Variants in SCN7A observed in about 807,000 individuals in gnomAD.
The protein encoded by SCN7A is sodium channel protein type 7 subunit alpha.
In SCN7A, 138 loss-of-function variants were observed where a neutral mutation model predicts 155.2. That is an observed-to-expected ratio of 0.89 (90% CI 0.77 to 1.02). The LOEUF (loss-of-function observed/expected upper bound fraction) is 1.02, where lower values mean the gene tolerates loss of function less well. Ranked by LOEUF, SCN7A falls within the 50% of genes least tolerant of loss-of-function variation. The probability of loss-of-function intolerance (pLI) is 0.00; values close to 1 mark genes in which losing one functional copy is unlikely to be tolerated. For missense variants in SCN7A, 2,058 were observed against 1,986.6 expected (o/e 1.04, Z -0.68); for synonymous variants, 693 against 649.0 (o/e 1.07, Z -1.03).
chr2:166,462,966 GA>G (rs1371693930), intron 9 of SCN7A, among the ~76,000 whole-genome samples: 2 of 151,996 alleles, frequency 1.3e-5, no homozygotes, highest in African/African-American at 4.8e-5. Flanking sequence ...CATTTTTCAA[GA>G]ATAAAATACC....
At chr2:166,470,574 T>A in intron 7 of SCN7A, 41 bp downstream of exon 7, 1 of 1,534,998 alleles carries the variant, frequency 6.5e-7, no homozygotes, top group Non-Finnish European at 8.9e-7. Context: ...TGGCAGTACA[T>A]AAAACAAAAT....
At chr2:166,463,595 T>C (rs961053619) in intron 9 of SCN7A, among the ~76,000 whole-genome samples, 1 of 152,152 alleles carries the variant, frequency 6.6e-6, no homozygotes, top group East Asian at 1.9e-4. Flanking sequence ...TCCATGACCA[T>C]GTGTATCCAA....
chr2:166,473,060 T>G (rs1702694722), intron 5 of SCN7A, among the ~76,000 whole-genome samples: 1 of 151,314 alleles, frequency 6.6e-6, no homozygotes, highest in Non-Finnish European at 1.5e-5. Context: ...ATGAAAAAAA[T>G]AACTAATGAG....
chr2:166,455,917 C>T (rs1277493402), intron 11 of SCN7A, among the ~76,000 whole-genome samples: 1 of 152,112 alleles, frequency 6.6e-6, no homozygotes, highest in Non-Finnish European at 1.5e-5. Flanking sequence ...GGAGGATAAG[C>T]TTTTTAATGT....
chr2:166,481,554 A>G (rs544583011), intron 2 of SCN7A, among the ~76,000 whole-genome samples: 1 of 152,300 alleles, frequency 6.6e-6, no homozygotes, highest in Non-Finnish European at 1.5e-5. Context: ...AGTAACTGCA[A>G]TACAAATCAA....
chr2:166,427,888 T>C lies in SCN7A; in HGVS notation c.2753A>G (p.Lys918Arg). ...GQISGASKKG[K>R]IWQNIRKTCC... ...GGTTTTCCTGATGTTCTGCCAGATT[T>C]TTCCTTTCTTGGATGCTCCACTGAT... Residue 918 changes from lysine to arginine, a missense_variant, in exon 18 of 26, where the codon AAA becomes AGA. By Grantham distance (26) the Lys-to-Arg change is conservative. Coordinates refer to ENST00000643258, the MANE Select transcript of SCN7A (RefSeq NM_002976.4). The C allele has an allele frequency of 2.5e-6, 4 of 1,612,906 alleles. No homozygotes were observed. Among genetic ancestry groups the C allele is most frequent in the Non-Finnish European group, 3.4e-6 (4 of 1,179,334 alleles).
chr2:166,442,620 C>T (rs1016885990), intron 14 of SCN7A, among the ~76,000 whole-genome samples: 1 of 151,992 alleles, frequency 6.6e-6, no homozygotes, highest in African/African-American at 2.4e-5. Flanking sequence ...TTCCTGGCCT[C>T]ACTTCTTGAC....
At position 166,404,419 on chromosome 2, in the gene SCN7A, A is replaced by G. The variant is rs1413640836; in HGVS notation, c.*1161T>C. The stretch of plus-strand genomic sequence containing the variant: ...TGAGATTAAAAAACTTGAAAACGTA[A>G]ATATATAAGGGAAAACTAACTTGTA... On this transcript the variant is annotated 3_prime_UTR_variant, in exon 26 of 26. Transcript: ENST00000643258. 1 of 151,950 alleles carries G rather than the reference A, an allele frequency of 6.6e-6. No homozygotes were observed. The highest frequency in any genetic ancestry group is 2.4e-5 in the African/African-American group (1 of 41,414). 9.4% of individuals were successfully genotyped at this position (151,950 alleles called of 1,614,324 possible).
chr2:166,455,463 T>C (rs1227029240), intron 11 of SCN7A, among the ~76,000 whole-genome samples: 1 of 152,082 alleles, frequency 6.6e-6, no homozygotes, highest in Non-Finnish European at 1.5e-5. Flanking sequence ...AAATACTGCA[T>C]GTTCTCAGTT....
chr2:166,422,073 G>T (rs1297161764), intron 19 of SCN7A, among the ~76,000 whole-genome samples: 1 of 152,112 alleles, frequency 6.6e-6, no homozygotes, highest in Non-Finnish European at 1.5e-5. Context: ...AAACAGGAAG[G>T]CGAGTTGCAG....
chr2:166,447,130 A>G (rs1702081286), intron 12 of SCN7A, among the ~76,000 whole-genome samples: 1 of 152,248 alleles, frequency 6.6e-6, no homozygotes, highest in African/African-American at 2.4e-5. Context: ...AAGAAAATGA[A>G]GCGAACGTGT....
chr2:166,404,031 A>G lies in SCN7A; in HGVS notation c.*1549T>C, dbSNP rs981605596. On this transcript the variant is annotated 3_prime_UTR_variant, in exon 26 of 26. Transcript: ENST00000643258. ...AGGTTATTCAATTTCTGAGGGGCAG[A>G]AAAAGATTATAGTAGTTAAGGCTTG... is the stretch of plus-strand genomic sequence containing the variant. The G allele has an allele frequency of 6.6e-6, 1 of 151,970 alleles. No individual in the cohort carries two copies. The highest frequency in any genetic ancestry group is 1.5e-5 in the Non-Finnish European group (1 of 67,930). 9.4% of individuals were successfully genotyped at this position (151,970 alleles called of 1,614,324 possible).
intron 18 of SCN7A, among the ~76,000 whole-genome samples, chr2:166,426,935 C>T (rs1251184086): frequency 6.6e-6 from 1 of 152,008 alleles, no homozygotes; most frequent in East Asian, 1.9e-4. Flanking sequence ...GTTCTGTGCA[C>T]CTCACAGTTA....
intron 2 of SCN7A, among the ~76,000 whole-genome samples, chr2:166,481,299 C>A (rs528152618): frequency 8.6e-5 from 13 of 151,958 alleles, no homozygotes; most frequent in African/African-American, 3.1e-4. Context: ...AAGAATAAAT[C>A]AAAATAATAT....
At chr2:166,451,728 C>G (rs180868750) in intron 11 of SCN7A, among the ~76,000 whole-genome samples, 1 of 152,184 alleles carries the variant, frequency 6.6e-6, no homozygotes, top group Non-Finnish European at 1.5e-5. Context: ...TCATAGAAAC[C>G]TTTTCCGACT....
At chr2:166,419,922 C>T (rs1167598390) in intron 20 of SCN7A, among the ~76,000 whole-genome samples, 2 of 151,912 alleles carry the variant, frequency 1.3e-5, no homozygotes, top group African/African-American at 4.8e-5. Context: ...ATATTAATTT[C>T]CCAACACAAA....
At chr2:166,456,350 T>C (rs1163474334) in intron 11 of SCN7A, among the ~76,000 whole-genome samples, 17 of 152,068 alleles carry the variant, frequency 1.1e-4, no homozygotes, top group Admixed American at 1.1e-3. Flanking sequence ...ACTGGACATA[T>C]ATCCAGTATA....
At chr2:166,423,020 A>C (rs1701542986) in intron 19 of SCN7A, among the ~76,000 whole-genome samples, 1 of 152,154 alleles carries the variant, frequency 6.6e-6, no homozygotes, top group Non-Finnish European at 1.5e-5. Context: ...TTACATGGTT[A>C]ACAGTAAATT....
intron 11 of SCN7A, among the ~76,000 whole-genome samples, chr2:166,456,160 G>A (rs1320874693): frequency 6.6e-6 from 1 of 152,050 alleles, no homozygotes; most frequent in Non-Finnish European, 1.5e-5. Flanking sequence ...TGAACAATGA[G>A]AGCACATGGG....
Sources: gnomAD v4.1 joint callset for allele counts (sites outside exome capture counted in the v4.1 genomes callset) on GRCh38, gnomAD v4.1.1 for gene constraint, MANE v1.5 for transcripts, NCBI Gene and HGNC (gene_info 2026-07-23, HGNC 2026-07-21) for gene names.